Variants in SP1 observed in about 807,000 individuals in gnomAD.
SP1 encodes transcription factor Sp1.
Under a neutral mutation model 66.3 loss-of-function variants are expected in SP1, and 6 were observed. That is an observed-to-expected ratio of 0.09 (90% confidence interval 0.05 to 0.18). SP1 has a LOEUF of 0.18. SP1 is among the 10% of genes least tolerant of loss of function. The pLI is 1.00. For missense variants in SP1, 848 were observed against 964.5 expected (o/e 0.88, Z 1.60); for synonymous variants, 417 against 360.8 (o/e 1.16, Z -1.77).
chr12:53,401,027 C>T (rs1053137598), intron 3 of SP1, among the ~76,000 whole-genome samples: 1 of 151,772 alleles, frequency 6.6e-6, no homozygotes, highest in Admixed American at 6.6e-5. Flanking sequence ...CTCCTAAAGA[C>T]CAAAGTGCTG....
chr12:53,387,194 G>A (rs1490339725), intron 3 of SP1, among the ~76,000 whole-genome samples: 1 of 151,916 alleles, frequency 6.6e-6, no homozygotes, highest in Non-Finnish European at 1.5e-5. Context: ...CTCGTGATCC[G>A]CCCGCCTTGG....
At chr12:53,380,400 A>AGGCGGC (rs949953012) in intron 1 of SP1, 102 bp downstream of exon 1, 8 of 1,061,388 alleles carry the variant, frequency 7.5e-6, no homozygotes, top group East Asian at 7.4e-5. Flanking sequence ...GGCGGGCGGG[A>AGGCGGC]GGCGGCGGCG....
At position 53,383,198 on chromosome 12, in the gene SP1, A is replaced by G. The variant is rs752477596; in HGVS notation, c.1251A>G (p.Ala417=). The change falls in exon 3 of 6, where the codon GCA becomes GCG. Residue 417 remains alanine (A), a synonymous_variant. Coordinates refer to ENST00000327443, the MANE Select transcript of SP1 (RefSeq NM_138473.3). ...GACAGGCCCTCCAGGCCCTCCAAGC[A>G]GCACCATTGTCAGGGCAGACCTTTA... The part of the protein sequence containing the change: ...QGGQALQALQ[A]APLSGQTFTT... 1.2e-6 allele frequency: 2 copies of G among 1,614,170 alleles called. No homozygotes were observed. The highest frequency in any genetic ancestry group is 1.3e-5 in the African/African-American group (1 of 75,064).
chr12:53,381,698 A>G lies in SP1; in HGVS notation c.47A>G (p.Lys16Arg). 4 of 1,613,936 alleles carry G rather than the reference A, an allele frequency of 2.5e-6. No homozygotes were observed. The highest frequency in any genetic ancestry group is 3.4e-6 in the Non-Finnish European group (4 of 1,179,932). ...ATGGATGAAATGACAGCTGTGGTGAAAATTGAAAAAGGAGTTGGTGGCAAT... is the reference window on the plus strand; with the variant it reads ...ATGGATGAAATGACAGCTGTGGTGAGAATTGAAAAAGGAGTTGGTGGCAAT... ...HSMDEMTAVV[K>R]IEKGVGGNNG... The change falls in exon 2 of 6, where the codon AAA becomes AGA. Residue 16 changes from lysine to arginine, a missense_variant. This residue lies in a region of SP1 where 84 missense variants were observed against 73.9 expected (regional missense o/e 1.14). Coordinates refer to ENST00000327443, the MANE Select transcript of SP1 (RefSeq NM_138473.3).
intron 3 of SP1, among the ~76,000 whole-genome samples, chr12:53,392,254 C>T (rs1422964490): frequency 6.6e-6 from 1 of 151,878 alleles, no homozygotes; most frequent in African/African-American, 2.4e-5. Flanking sequence ...GATCTCGGCT[C>T]ACTGCAACCT....
At chr12:53,398,857 G>C (rs1938547117) in intron 3 of SP1, among the ~76,000 whole-genome samples, 1 of 152,188 alleles carries the variant, frequency 6.6e-6, no homozygotes, top group African/African-American at 2.4e-5. Context: ...AAAATTAATA[G>C]AGAAAGTAAA....
Position 53,409,539 on chromosome 12 carries a change from G to T in SP1, c.2022G>T (p.Gln674His), listed in dbSNP as rs1938831451. 1 of 1,614,066 alleles carries T rather than the reference G, an allele frequency of 6.2e-7. No homozygotes were observed. The highest frequency in any genetic ancestry group is 1.3e-5 in the African/African-American group (1 of 74,936). ...GCTTCACACGTTCGGATGAGCTACA[G>T]AGGCACAAACGTACACACACAGGTG... ...GKRFTRSDEL[Q>H]RHKRTHTGEK... The change falls in exon 5 of 6, where the codon CAG becomes CAT. Residue 674 changes from glutamine to histidine, a missense_variant. Gln to His is a conservative substitution (Grantham distance 24). This residue lies in a region of SP1 where 39 missense variants were observed against 124.2 expected (regional missense o/e 0.31). Transcript: ENST00000327443.
At chr12:53,392,958 G>A (rs1457932292) in intron 3 of SP1, among the ~76,000 whole-genome samples, 5 of 151,990 alleles carry the variant, frequency 3.3e-5, no homozygotes, top group African/African-American at 4.8e-5. Context: ...CTGAGTAACC[G>A]GGATTACAGG....
rs779524547 is a variant in SP1 at position 53,411,076 on chromosome 12, T to C, written c.2194T>C (p.Ser732Pro). The C allele has an allele frequency of 1.9e-6, 3 of 1,614,194 alleles. No homozygotes were observed. The highest frequency in any genetic ancestry group is 2.5e-6 in the Non-Finnish European group (3 of 1,180,038). ...GTLPLDSGAG[S>P]EGSGTATPSA... ...TTTGCCCCTGGACAGTGGGGCAGGT[T>C]CAGAAGGCAGTGGCACTGCCACTCC... The change falls in exon 6 of 6, where the codon TCA becomes CCA. Residue 732 changes from serine (S) to proline (P), a missense_variant. Ser to Pro is a moderately conservative substitution (Grantham distance 74). Around this residue, in one of 7 missense-constraint regions of SP1, gnomAD observed 73 missense variants for 91.9 expected, o/e 0.79. Transcript: ENST00000327443.
Position 53,406,646 on chromosome 12 carries a change from A to G in SP1, c.1737A>G (p.Thr579=), listed in dbSNP as rs556066183. ...GTGGTGATGGAATACATGATGACAC[A>G]GCAGGTGGAGAGGAAGGAGAAAACA... ...GAGGDGIHDD[T]AGGEEGENSP... The change falls in exon 4 of 6, where the codon ACA becomes ACG. Residue 579 remains threonine, a synonymous_variant. Transcript: ENST00000327443. The G allele has an allele frequency of 6.2e-7, 1 of 1,614,100 alleles. No homozygotes were observed. Among genetic ancestry groups the G allele is most frequent in the East Asian group, 2.2e-5 (1 of 44,878 alleles).
chr12:53,380,266 C>T lies in SP1; in HGVS notation c.-26C>T, dbSNP rs376293278. The stretch of plus-strand genomic sequence containing the variant: ...CCCCAACCCCCCCGGACAGGACCCC[C>T]TTGAGCTTGTCCCTCAGCTGCCACC... On this transcript the variant is annotated 5_prime_UTR_variant, in exon 1 of 6. Transcript: ENST00000327443. 6.3e-7 allele frequency: 1 copy of T among 1,592,796 alleles called. No individual in the cohort carries two copies. The highest frequency in any genetic ancestry group is 1.1e-5 in the South Asian group (1 of 90,154).
At chr12:53,380,710 TC>T in intron 1 of SP1, 3 of 905,680 alleles carry the variant, frequency 3.3e-6, no homozygotes, top group Non-Finnish European at 3.8e-6. Flanking sequence ...AAGGCCCTCC[TC>T]CCCCCACTTT....
chr12:53,387,829 C>T (rs995942237), intron 3 of SP1, among the ~76,000 whole-genome samples: 2 of 151,700 alleles, frequency 1.3e-5, no homozygotes, highest in Admixed American at 1.3e-4. Flanking sequence ...ACTAAAAATA[C>T]AAAAAAATTA....
chr12:53,409,748 G>A (rs962517877), intron 5 of SP1, among the ~76,000 whole-genome samples, 187 bp downstream of exon 5: 1 of 152,184 alleles, frequency 6.6e-6, no homozygotes, highest in Non-Finnish European at 1.5e-5. Context: ...AGTGGCTCAC[G>A]CCTGTAATCC....
Position 53,411,043 on chromosome 12 carries a change from G to A in SP1, c.2161G>A (p.Val721Met). 6.2e-7 allele frequency: 1 copy of A among 1,614,226 alleles called. No individual in the cohort carries two copies. Among genetic ancestry groups the A allele is most frequent in the Non-Finnish European group, 8.5e-7 (1 of 1,180,032 alleles). The change falls in exon 6 of 6, where the codon GTG (valine) becomes ATG (methionine). Residue 721 changes from valine (V) to methionine (M), a missense_variant. This residue lies in a region of SP1 where 73 missense variants were observed against 91.9 expected (regional missense o/e 0.79). Coordinates refer to ENST00000327443, the MANE Select transcript of SP1 (RefSeq NM_138473.3). Reference sequence around the variant, plus strand: ...GGGAGGCCCAGGTGTAGCTCTGAGTGTGGGCACTTTGCCCCTGGACAGTGG... The same window carrying A: ...GGGAGGCCCAGGTGTAGCTCTGAGTATGGGCACTTTGCCCCTGGACAGTGG... ...KKGGPGVALS[V>M]GTLPLDSGAG... is the part of the protein sequence containing the mutation.
rs771662689 is a variant in SP1 at position 53,381,669 on chromosome 12, C to G, written c.18C>G (p.His6Gln). The G allele has an allele frequency of 6.2e-7, 1 of 1,612,326 alleles. No individual in the cohort carries two copies. The highest frequency in any genetic ancestry group is 8.5e-7 in the Non-Finnish European group (1 of 1,179,308). The change falls in exon 2 of 6, where the codon CAC (histidine) becomes CAG (glutamine). Residue 6 changes from histidine (H) to glutamine (Q), a missense_variant. Transcript: ENST00000327443. The stretch of plus-strand genomic sequence containing the variant: ...TTTTAATTATTTTAGACCAAGATCA[C>G]TCCATGGATGAAATGACAGCTGTGG... MSDQDHSMDEMTAVVK... is the reference protein window; with the variant it reads MSDQDQSMDEMTAVVK...
At chr12:53,399,234 A>T (rs1299845515) in intron 3 of SP1, among the ~76,000 whole-genome samples, 1 of 152,218 alleles carries the variant, frequency 6.6e-6, no homozygotes, top group Non-Finnish European at 1.5e-5. Flanking sequence ...ATATTTGATT[A>T]AACTTTTTTG....
intron 1 of SP1, chr12:53,380,569 C>T (rs977284739): frequency 9.1e-6 from 7 of 772,632 alleles, no homozygotes; most frequent in South Asian, 6.2e-5. Context: ...ACGGGCCTTA[C>T]CCCCCACTAC....
chr12:53,381,604 A>G (rs1169693452), intron 1 of SP1, 55 bp from the exon 2 acceptor site: 10 of 1,419,454 alleles, frequency 7.0e-6, no homozygotes, highest in African/African-American at 5.8e-5. Context: ...TATCCTTCCT[A>G]CTTCATTTCT....
Sources: gnomAD v4.1 joint callset for allele counts (sites outside exome capture counted in the v4.1 genomes callset) on GRCh38, gnomAD v4.1.1 for gene constraint, gnomAD v4.1.1 regional missense constraint, MANE v1.5 for transcripts, NCBI Gene and HGNC (gene_info 2026-07-23, HGNC 2026-07-21) for gene names.